The following ELMO1 variants were observed in gnomAD, a reference collection of about 807,000 sequenced individuals.
The protein encoded by ELMO1 is engulfment and cell motility 1.
A neutral mutation model predicts 98.9 loss-of-function variants in ELMO1; 26 were observed. The observed-to-expected ratio is 0.26, with a 90% CI of 0.19 to 0.36. The LOEUF (loss-of-function observed/expected upper bound fraction) is 0.36, where lower values mean the gene tolerates loss of function less well. Among genes scored for constraint, ELMO1 ranks in the 10% least tolerant of loss-of-function variants. The pLI, the probability that ELMO1 is intolerant of heterozygous loss-of-function variation, is 1.00. For missense variants in ELMO1, 627 were observed against 935.2 expected (o/e 0.67, Z 4.30); for synonymous variants, 346 against 346.0 (o/e 1.00, Z 0.00).
At position 37,084,826 on chromosome 7, in the gene ELMO1, G is replaced by T. The variant is rs569351466; in HGVS notation, c.1300+11793C>A. 2.0e-5 allele frequency among the ~76,000 whole-genome samples: 3 copies of T among 148,882 alleles called. No homozygotes were observed. In the East Asian group the frequency reaches 5.9e-4, roughly 29 times the overall value. On this transcript the variant is annotated intron_variant, in intron 15 of 21. Coordinates refer to ENST00000310758, the MANE Select transcript of ELMO1 (RefSeq NM_014800.11). ...GGCTGGGATGCAGTGGCATGATGTT[G>T]GCTCACTCCAACCTCTGCCTCCCGA... is the stretch of plus-strand genomic sequence containing the variant.
chr7:36,944,257 T>G (rs938017152), intron 16 of ELMO1, among the ~76,000 whole-genome samples: 1 of 152,198 alleles, frequency 6.6e-6, no homozygotes, highest in African/African-American at 2.4e-5. Flanking sequence ...GCAATGTGGC[T>G]CCAGAATCCC....
intron 14 of ELMO1, among the ~76,000 whole-genome samples, chr7:37,129,389 T>C (rs902109191): frequency 6.6e-6 from 1 of 152,200 alleles, no homozygotes; most frequent in Non-Finnish European, 1.5e-5. Context: ...CTTAAGGAGT[T>C]AGAATATAGA....
intron 13 of ELMO1, among the ~76,000 whole-genome samples, chr7:37,192,896 C>CATATATTTTATATATGATATATATTTATA (rs1791694766): frequency 1.4e-5 from 2 of 143,856 alleles, no homozygotes; most frequent in African/African-American, 5.1e-5. Context: ...ATATATTTAT[C>CATATATTTTATATATGATATATATTTATA]TATAGATACA....
At chr7:36,881,566 C>A (rs1804458811) in intron 18 of ELMO1, among the ~76,000 whole-genome samples, 1 of 152,112 alleles carries the variant, frequency 6.6e-6, no homozygotes, top group Non-Finnish European at 1.5e-5. Context: ...GTCTTCCAGT[C>A]AATTACTAAT....
intron 13 of ELMO1, among the ~76,000 whole-genome samples, chr7:37,167,126 T>G (rs1169941255): frequency 6.6e-6 from 1 of 152,132 alleles, no homozygotes; most frequent in Non-Finnish European, 1.5e-5. Context: ...CTTTGTTGCT[T>G]TAAAGTCTGT....
At chr7:36,908,518 T>C (rs1784121694) in intron 16 of ELMO1, among the ~76,000 whole-genome samples, 1 of 151,958 alleles carries the variant, frequency 6.6e-6, no homozygotes, top group African/African-American at 2.4e-5. Context: ...AGTTTTGTTA[T>C]ATAGCAAAGC....
At chr7:37,276,715 C>G (rs1240407793) in intron 4 of ELMO1, among the ~76,000 whole-genome samples, 1 of 152,226 alleles carries the variant, frequency 6.6e-6, no homozygotes, top group East Asian at 1.9e-4. Context: ...ATAGTACAAT[C>G]TATGTTACAC....
intron 13 of ELMO1, among the ~76,000 whole-genome samples, chr7:37,195,651 C>T (rs1165913567): frequency 5.3e-5 from 8 of 152,228 alleles, no homozygotes; most frequent in Non-Finnish European, 1.2e-4. Flanking sequence ...TGTACCTCCT[C>T]CCAGAGCTTT....
intron 5 of ELMO1, among the ~76,000 whole-genome samples, chr7:37,264,543 T>C (rs1190299455): frequency 6.6e-6 from 1 of 152,210 alleles, no homozygotes; most frequent in Non-Finnish European, 1.5e-5. Context: ...AAAAATAAGA[T>C]AGCCTTGGTT....
intron 13 of ELMO1, among the ~76,000 whole-genome samples, chr7:37,188,359 G>T (rs1234452846): frequency 1.3e-5 from 2 of 150,624 alleles, no homozygotes; most frequent in Non-Finnish European, 1.5e-5. Context: ...ACCTTACAGT[G>T]TTTATTCAAA....
chr7:37,357,589 A>T (rs1005942745), intron 1 of ELMO1, among the ~76,000 whole-genome samples: 1 of 152,202 alleles, frequency 6.6e-6, no homozygotes, highest in Non-Finnish European at 1.5e-5. Flanking sequence ...TAGATATTTT[A>T]TCTCTCTAGT....
intron 20 of ELMO1, among the ~76,000 whole-genome samples, chr7:36,867,168 CTCCA>C (rs1017208062): frequency 6.6e-6 from 1 of 152,170 alleles, no homozygotes; most frequent in Non-Finnish European, 1.5e-5. Context: ...CAGTGGCGTA[CTCCA>C]TCCATCCATC....
intron 6 of ELMO1, among the ~76,000 whole-genome samples, chr7:37,248,424 G>C (rs552503926): frequency 9.2e-5 from 14 of 152,170 alleles, no homozygotes; most frequent in African/African-American, 2.9e-4. Context: ...GACGCACAGA[G>C]AAAGCAAAAG....
chr7:36,858,107 T>C lies in ELMO1; in HGVS notation c.1984-2356A>G, dbSNP rs528185633. ...TGCCTCATTGTTCTTCTTTGAAAGA[T>C]GCTTACTATTTTGAAAACTGGTAAA... On this transcript the variant is annotated intron_variant, in intron 21 of 21. Coordinates refer to ENST00000310758, the MANE Select transcript of ELMO1 (RefSeq NM_014800.11). Among the ~76,000 whole-genome samples, 6 of 152,354 alleles carry C rather than the reference T, an allele frequency of 3.9e-5. No individual in the cohort carries two copies. The East Asian group carries it at 7.7e-4, about 20-fold the overall frequency.
intron 5 of ELMO1, chr7:37,270,710 C>T (rs1442864508): frequency 6.6e-6 from 1 of 152,120 alleles, no homozygotes; most frequent in Non-Finnish European, 1.5e-5. Context: ...CTACAATAGT[C>T]TAAATATACT....
At chr7:36,869,129 AC>A (rs1803295528) in intron 20 of ELMO1, among the ~76,000 whole-genome samples, 1 of 152,094 alleles carries the variant, frequency 6.6e-6, no homozygotes, top group Non-Finnish European at 1.5e-5. Flanking sequence ...ATAAACGGAA[AC>A]CCCCGTTGGT....
intron 15 of ELMO1, among the ~76,000 whole-genome samples, chr7:37,043,349 C>A (rs1450158883): frequency 6.6e-6 from 1 of 152,184 alleles, no homozygotes; most frequent in Non-Finnish European, 1.5e-5. Context: ...GGCTGCCAGG[C>A]AGCTGTACTC....
chr7:36,998,966 G>A (rs1322845672), intron 16 of ELMO1, among the ~76,000 whole-genome samples: 1 of 152,000 alleles, frequency 6.6e-6, no homozygotes, highest in East Asian at 1.9e-4. Context: ...ATTTGTGTGT[G>A]TTTATATTCT....
At chr7:37,244,670 G>A (rs921243727) in intron 6 of ELMO1, among the ~76,000 whole-genome samples, 1 of 152,204 alleles carries the variant, frequency 6.6e-6, no homozygotes, top group African/African-American at 2.4e-5. Context: ...ATTTAGATCA[G>A]AATGGGTCTG....
Sources: gnomAD v4.1 joint callset for allele counts (sites outside exome capture counted in the v4.1 genomes callset) on GRCh38, gnomAD v4.1.1 for gene constraint, MANE v1.5 for transcripts, NCBI Gene and HGNC (gene_info 2026-07-23, HGNC 2026-07-21) for gene names.